The following SEC24B variants were observed in gnomAD, a reference collection of about 807,000 sequenced individuals.
SEC24B encodes the protein protein transport protein Sec24B.
In SEC24B, 45 loss-of-function variants were observed where a neutral mutation model predicts 142.8. The observed-to-expected ratio is 0.32, with a 90% CI of 0.25 to 0.40. The LOEUF is 0.40. Among genes scored for constraint, SEC24B ranks in the 10% least tolerant of loss-of-function variants. SEC24B has a pLI of 1.00. For synonymous variants in SEC24B, 574 were observed against 568.2 expected (o/e 1.01, Z -0.15); for missense variants, 1,409 against 1,526.8 (o/e 0.92, Z 1.29).
At position 109,488,399 on chromosome 4, in the gene SEC24B, CATA is replaced by C. The variant is rs1466260819; in HGVS notation, c.1166-2925_1166-2923del. Among the ~76,000 whole-genome samples the C allele has an allele frequency of 2.4e-4, 37 of 152,232 alleles. 2 individuals carry two copies. In the South Asian group the frequency reaches 7.3e-3, roughly 30 times the overall value. ...GTTGTTACTTGCATCTTTCTTTTAA[CATA>C]ATGTTTTCAAGGTTCATCCACATTA... is the stretch of plus-strand genomic sequence containing the variant. On this transcript the variant is annotated intron_variant, in intron 4 of 23. Coordinates refer to ENST00000265175, the MANE Select transcript of SEC24B (RefSeq NM_006323.5).
Position 109,482,959 on chromosome 4 carries a change from T to C in SEC24B, c.1165+1178T>C, listed in dbSNP as rs866869853. On this transcript the variant is annotated intron_variant, in intron 4 of 23. Coordinates refer to ENST00000265175, the MANE Select transcript of SEC24B (RefSeq NM_006323.5). The stretch of plus-strand genomic sequence containing the variant: ...TACTATATATATATATATATATATA[T>C]ATATATATATATATATATATACACA... Among the ~76,000 whole-genome samples, 523 of 53,176 alleles carry C rather than the reference T, an allele frequency of 9.8e-3. 21 individuals carry two copies. The highest frequency in any genetic ancestry group is 0.076 in the African/African-American group (482 of 6,318). 34.9% of individuals were successfully genotyped at this position (53,176 alleles called of 152,430 possible).
At chr4:109,508,892 G>C (rs907484974) in intron 7 of SEC24B, among the ~76,000 whole-genome samples, 2 of 152,188 alleles carry the variant, frequency 1.3e-5, no homozygotes, top group African/African-American at 4.8e-5. Flanking sequence ...ACTGTTTTCC[G>C]TGTACTGGGG....
intron 1 of SEC24B, among the ~76,000 whole-genome samples, chr4:109,456,661 C>T (rs185273949): frequency 6.6e-6 from 1 of 152,124 alleles, no homozygotes; most frequent in Admixed American, 6.5e-5. Context: ...GATTATGTGG[C>T]TTTTTCTTAA....
chr4:109,494,621 T>G lies in SEC24B; in HGVS notation c.1253T>G (p.Leu418Arg), dbSNP rs1735342685. The change falls in exon 6 of 24, where the codon CTT becomes CGT. Residue 418 changes from leucine to arginine, a missense_variant. Physicochemically the swap from Leu to Arg is moderately radical, Grantham distance 102. Transcript: ENST00000265175. Reference protein sequence around the residue: ...ALEGGSYPDMLSSSASSPAPD... With the variant: ...ALEGGSYPDMRSSSASSPAPD... Reference sequence around the variant, plus strand: ...ATGTGTTTCCATTTTTTAGATATGCTTTCTTCATCAGCAAGCAGTCCTGCT... The same window carrying G: ...ATGTGTTTCCATTTTTTAGATATGCGTTCTTCATCAGCAAGCAGTCCTGCT... 1 of 1,613,974 alleles carries G rather than the reference T, an allele frequency of 6.2e-7. No homozygotes were observed. The highest frequency in any genetic ancestry group is 1.1e-5 in the South Asian group (1 of 91,082).
intron 6 of SEC24B, 37 bp downstream of exon 6, chr4:109,494,893 A>T (rs1399122674): frequency 2.5e-6 from 4 of 1,603,494 alleles, no homozygotes; most frequent in Non-Finnish European, 3.4e-6. Context: ...TGTAACAGTT[A>T]TAAAACTTAA....
intron 1 of SEC24B, among the ~76,000 whole-genome samples, chr4:109,458,035 G>C (rs1730869415): frequency 6.6e-6 from 1 of 151,968 alleles, no homozygotes; most frequent in African/African-American, 2.4e-5. Flanking sequence ...ATTATTACAA[G>C]TGTTAGACTG....
Position 109,516,438 on chromosome 4 carries a change from A to G in SEC24B, c.2014-90A>G, listed in dbSNP as rs1578958890. On this transcript the variant is annotated intron_variant, in intron 10 of 23. Coordinates refer to ENST00000265175, the MANE Select transcript of SEC24B (RefSeq NM_006323.5). The stretch of plus-strand genomic sequence containing the variant: ...CTATTTGTGTATTTTTTGTGTTAAT[A>G]TATTCAGTAAATATCCAGTAGCAAT... 15 of 692,534 alleles carry G rather than the reference A, an allele frequency of 2.2e-5. No homozygotes were observed. The South Asian group carries it at 3.3e-4, about 15-fold the overall frequency. 42.9% of individuals were successfully genotyped at this position (692,534 alleles called of 1,614,324 possible).
At chr4:109,489,280 T>C (rs565576228) in intron 4 of SEC24B, among the ~76,000 whole-genome samples, 3 of 151,988 alleles carry the variant, frequency 2.0e-5, no homozygotes, top group Non-Finnish European at 4.4e-5. Context: ...AGGGAAGGGG[T>C]CCAGCTTTGT....
At position 109,526,373 on chromosome 4, in the gene SEC24B, C is replaced by T. The variant is rs1724229578; in HGVS notation, c.2939C>T (p.Thr980Ile). ...LTDTSLVCFQ[T>I]ALLYTSSKGE... is the part of the protein sequence containing the mutation. Reference sequence around the variant, plus strand: ...GATACTTCCTTAGTATGTTTTCAAACAGCCCTATTATATACATCAAGCAAA... The same window carrying T: ...GATACTTCCTTAGTATGTTTTCAAATAGCCCTATTATATACATCAAGCAAA... The change falls in exon 17 of 24, where the codon ACA becomes ATA. Residue 980 changes from threonine (T) to isoleucine (I), a missense_variant. Around this residue, in one of 2 missense-constraint regions of SEC24B, gnomAD observed 700 missense variants for 853.3 expected, o/e 0.82. Transcript: ENST00000265175. The T allele has an allele frequency of 1.9e-6, 3 of 1,613,312 alleles. No homozygotes were observed. Among genetic ancestry groups the T allele is most frequent in the African/African-American group, 1.3e-5 (1 of 74,876 alleles).
At chr4:109,513,694 T>C (rs1335284665) in intron 9 of SEC24B, 53 bp from the exon 10 acceptor site, 28 of 936,798 alleles carry the variant, frequency 3.0e-5, no homozygotes, top group Non-Finnish European at 1.6e-5. Flanking sequence ...TGTGTATATA[T>C]GTGTTTAGTT....
intron 22 of SEC24B, 108 bp downstream of exon 22, chr4:109,533,793 G>A (rs760648207): frequency 2.6e-6 from 2 of 769,826 alleles, no homozygotes; most frequent in Non-Finnish European, 4.4e-6. Context: ...AGTAATTTTT[G>A]GTATTACACA....
chr4:109,497,152 A>G (rs1735622598), intron 6 of SEC24B, among the ~76,000 whole-genome samples: 1 of 152,244 alleles, frequency 6.6e-6, no homozygotes. Flanking sequence ...CTACAGTAGT[A>G]CAGTTGAGTA....
intron 23 of SEC24B, among the ~76,000 whole-genome samples, chr4:109,539,257 C>T (rs1259027643): frequency 8.6e-5 from 13 of 151,646 alleles, no homozygotes; most frequent in Admixed American, 6.6e-4. Context: ...CCACCACGCC[C>T]GGCCAATTTT....
chr4:109,485,029 T>A (rs1299756052), intron 4 of SEC24B, among the ~76,000 whole-genome samples: 1 of 152,178 alleles, frequency 6.6e-6, no homozygotes, highest in Non-Finnish European at 1.5e-5. Context: ...ACAGAGCTAG[T>A]ATGTCTCCCT....
chr4:109,475,311 G>C (rs146590636), intron 3 of SEC24B, among the ~76,000 whole-genome samples: 3 of 152,298 alleles, frequency 2.0e-5, no homozygotes, highest in Admixed American at 1.3e-4. Context: ...CACATATGGT[G>C]GTGCGAATTG....
At chr4:109,498,583 C>G (rs1238976736) in intron 6 of SEC24B, among the ~76,000 whole-genome samples, 3 of 152,138 alleles carry the variant, frequency 2.0e-5, no homozygotes, top group African/African-American at 7.2e-5. Context: ...CCAGGATGGT[C>G]TGGATCTCCT....
chr4:109,539,523 TAA>T, intron 23 of SEC24B, 36 bp from the exon 24 acceptor site: 1 of 1,305,896 alleles, frequency 7.7e-7, no homozygotes, highest in Non-Finnish European at 1.1e-6. Flanking sequence ...TCAGGGCTTT[TAA>T]ATACGTTTAG....
At position 109,531,426 on chromosome 4, in the gene SEC24B, T is replaced by C; in HGVS notation, c.3294T>C (p.Arg1098=). The C allele has an allele frequency of 6.2e-7, 1 of 1,613,682 alleles. No homozygotes were observed. The highest frequency in any genetic ancestry group is 8.5e-7 in the Non-Finnish European group (1 of 1,179,576). ...RTGTSTRLDD[R]VYAMCQIKSQ... The stretch of plus-strand genomic sequence containing the variant: ...GTACAAGCACACGGCTGGATGATCG[T>C]GTATATGCCATGTGTCAGATAAAGT... Residue 1098 remains arginine, a synonymous_variant, in exon 20 of 24, where the codon CGT becomes CGC. Transcript: ENST00000265175.
chr4:109,494,616 T>C lies in SEC24B; in HGVS notation c.1248T>C (p.Asp416=). 6.2e-7 allele frequency: 1 copy of C among 1,613,908 alleles called. No homozygotes were observed. Among genetic ancestry groups the C allele is most frequent in the Non-Finnish European group, 8.5e-7 (1 of 1,180,012 alleles). The part of the protein sequence containing the change: ...YDALEGGSYP[D]MLSSSASSPA... Reference sequence around the variant, plus strand: ...ACACCATGTGTTTCCATTTTTTAGATATGCTTTCTTCATCAGCAAGCAGTC... The same window carrying C: ...ACACCATGTGTTTCCATTTTTTAGACATGCTTTCTTCATCAGCAAGCAGTC... The change falls in exon 6 of 24, where the codon GAT becomes GAC. Residue 416 remains aspartate (D), a splice_region_variant and synonymous_variant. Coordinates refer to ENST00000265175, the MANE Select transcript of SEC24B (RefSeq NM_006323.5).
Sources: gnomAD v4.1 joint callset for allele counts (sites outside exome capture counted in the v4.1 genomes callset) on GRCh38, gnomAD v4.1.1 for gene constraint, gnomAD v4.1.1 regional missense constraint, MANE v1.5 for transcripts, NCBI Gene and HGNC (gene_info 2026-07-23, HGNC 2026-07-21) for gene names.